Variants in TAFA4 observed in about 807,000 individuals in gnomAD.
TAFA4 encodes the protein TAFA chemokine like family member 4, also known as chemokine-like protein TAFA-4.
In TAFA4, 20 loss-of-function variants were observed where a neutral mutation model predicts 21.1. The observed-to-expected ratio is 0.95, with a 90% CI of 0.67 to 1.38. TAFA4 has a LOEUF of 1.38. TAFA4 is among the 40% of genes most tolerant of loss of function. TAFA4 has a pLI of 0.00. For missense variants in TAFA4, 211 were observed against 180.9 expected, an observed-to-expected ratio of 1.17 and a Z score of -0.95; for synonymous variants, 71 against 67.4, an observed-to-expected ratio of 1.05 and a Z score of -0.26.
At chr3:68,756,610 C>A (rs1316765270) in intron 3 of TAFA4, among the ~76,000 whole-genome samples, 1 of 152,098 alleles carries the variant, frequency 6.6e-6, no homozygotes, top group Non-Finnish European at 1.5e-5. Flanking sequence ...ACGTCGATGG[C>A]AAGAAAATTC....
At chr3:68,777,933 G>C (rs1453602234) in intron 3 of TAFA4, among the ~76,000 whole-genome samples, 1 of 152,012 alleles carries the variant, frequency 6.6e-6, no homozygotes, top group African/African-American at 2.4e-5. Flanking sequence ...ATAACATCTA[G>C]GTTTATGTAA....
intron 1 of TAFA4, among the ~76,000 whole-genome samples, chr3:68,905,332 G>C (rs1460496258): frequency 6.6e-6 from 1 of 151,808 alleles, no homozygotes; most frequent in African/African-American, 2.4e-5. Context: ...ACTACACCTA[G>C]CTAAGTTTTT....
chr3:68,765,316 C>T (rs1367749959), intron 3 of TAFA4, among the ~76,000 whole-genome samples: 1 of 152,098 alleles, frequency 6.6e-6, no homozygotes, highest in Admixed American at 6.6e-5. Context: ...TCTACTTGTA[C>T]ATTTTAAATA....
chr3:68,830,672 G>C (rs1029192510), intron 3 of TAFA4, among the ~76,000 whole-genome samples: 5 of 152,148 alleles, frequency 3.3e-5, no homozygotes, highest in Non-Finnish European at 7.4e-5. Flanking sequence ...CCGTTGATTT[G>C]GGGTGGAGAG....
chr3:68,815,122 T>G (rs1425117453), intron 3 of TAFA4, among the ~76,000 whole-genome samples: 3 of 152,210 alleles, frequency 2.0e-5, no homozygotes, highest in Non-Finnish European at 2.9e-5. Context: ...TGTAGAAAGC[T>G]GAAACTGGAT....
rs552048164 is a variant in TAFA4, at chr3:68,782,022, A to AT, written c.131-29005_131-29004insA. 3.8e-4 allele frequency among the ~76,000 whole-genome samples: 58 copies of AT among 152,356 alleles called. 1 individual carries two copies. The South Asian group carries it at 9.3e-3, about 24-fold the overall frequency. ...GTAAACTGAACTTCATCAAAATTTAAAACTTTAAGTATCAAAGAATACTTT... is the reference window on the plus strand; with the variant it reads ...GTAAACTGAACTTCATCAAAATTTAATAACTTTAAGTATCAAAGAATACTTT... On this transcript the variant is annotated intron_variant, in intron 3 of 5. Coordinates refer to ENST00000295569, the MANE Select transcript of TAFA4 (RefSeq NM_182522.5).
At chr3:68,905,248 C>T (rs1035737600) in intron 1 of TAFA4, among the ~76,000 whole-genome samples, 4 of 151,226 alleles carry the variant, frequency 2.6e-5, no homozygotes, top group South Asian at 2.1e-4. Context: ...CTCCGCCTCC[C>T]GCCTCCTGCC....
chr3:68,794,394 G>A (rs1304935848), intron 3 of TAFA4, among the ~76,000 whole-genome samples: 1 of 152,122 alleles, frequency 6.6e-6, no homozygotes, highest in East Asian at 1.9e-4. Flanking sequence ...TTAAATACAT[G>A]CTGCATTATT....
rs114403421 is a variant in TAFA4 at position 68,839,410 on chromosome 3, T to A, written c.130+41320A>T. Among the ~76,000 whole-genome samples, 1,363 of 152,154 alleles carry A rather than the reference T, an allele frequency of 9.0e-3. 24 individuals are homozygous for A. Among genetic ancestry groups the A allele is most frequent in the African/African-American group, 0.031 (1,270 of 41,500 alleles). Reference sequence around the variant, plus strand: ...CCATTTGAGCACATTAGAAATAATGTCCAAAACAACAACAATGAACAAACA... The same window carrying A: ...CCATTTGAGCACATTAGAAATAATGACCAAAACAACAACAATGAACAAACA... On this transcript the variant is annotated intron_variant, in intron 3 of 5. Coordinates refer to ENST00000295569, the MANE Select transcript of TAFA4 (RefSeq NM_182522.5).
intron 3 of TAFA4, among the ~76,000 whole-genome samples, chr3:68,781,582 A>T (rs1703154824): frequency 6.6e-6 from 1 of 152,140 alleles, no homozygotes; most frequent in Non-Finnish European, 1.5e-5. Context: ...TACTGACAAT[A>T]TGAGTATCTC....
At chr3:68,842,333 C>T (rs1307887698) in intron 3 of TAFA4, among the ~76,000 whole-genome samples, 1 of 152,178 alleles carries the variant, frequency 6.6e-6, no homozygotes, top group African/African-American at 2.4e-5. Context: ...TTGCTGGCCA[C>T]ATCAATGTCT....
chr3:68,923,854 T>G (rs959488657), intron 1 of TAFA4, among the ~76,000 whole-genome samples: 48 of 152,024 alleles, frequency 3.2e-4, no homozygotes, highest in African/African-American at 1.1e-3. Context: ...CTACTAAGAG[T>G]TGTGTCTCTG....
chr3:68,755,966 A>G (rs1702652904), intron 3 of TAFA4, among the ~76,000 whole-genome samples: 1 of 152,170 alleles, frequency 6.6e-6, no homozygotes, highest in Non-Finnish European at 1.5e-5. Flanking sequence ...AGAGGACTAC[A>G]TAGCCAGGAG....
intron 1 of TAFA4, among the ~76,000 whole-genome samples, chr3:68,888,147 T>C (rs1408787938): frequency 6.6e-6 from 1 of 152,148 alleles, no homozygotes; most frequent in Non-Finnish European, 1.5e-5. Context: ...AATTCCATCT[T>C]CTAATGGAAT....
intron 4 of TAFA4, among the ~76,000 whole-genome samples, chr3:68,742,570 T>C (rs563697777): frequency 2.6e-5 from 4 of 152,202 alleles, no homozygotes; most frequent in Non-Finnish European, 5.9e-5. Flanking sequence ...GGTTAAAAAT[T>C]ATTTTTCAGG....
intron 3 of TAFA4, among the ~76,000 whole-genome samples, chr3:68,858,004 T>C (rs1440034428): frequency 6.6e-6 from 1 of 152,100 alleles, no homozygotes; most frequent in East Asian, 1.9e-4. Flanking sequence ...CATCTGCTTG[T>C]CAAACATCAA....
chr3:68,821,159 A>G (rs939676512), intron 3 of TAFA4, among the ~76,000 whole-genome samples: 14 of 152,220 alleles, frequency 9.2e-5, no homozygotes, highest in African/African-American at 3.1e-4. Context: ...GCTGAAAAAC[A>G]TAACCAAAAA....
intron 3 of TAFA4, among the ~76,000 whole-genome samples, chr3:68,786,085 T>G (rs1025793369): frequency 2.0e-5 from 3 of 152,194 alleles, no homozygotes; most frequent in African/African-American, 2.4e-5. Context: ...CTATATGGCT[T>G]GATATCTAGA....
chr3:68,791,537 C>G (rs1703360710), intron 3 of TAFA4, among the ~76,000 whole-genome samples: 1 of 152,212 alleles, frequency 6.6e-6, no homozygotes, highest in Admixed American at 6.5e-5. Flanking sequence ...AGCCACCCAG[C>G]TGTAGCACTT....
Sources: allele counts gnomAD v4.1 joint callset (sites outside exome capture counted in the v4.1 genomes callset), GRCh38; gene constraint gnomAD v4.1.1; transcripts MANE v1.5; gene names NCBI Gene and HGNC (gene_info 2026-07-23, HGNC 2026-07-21).